The following ADAM9 variants were observed in gnomAD, a reference collection of about 807,000 sequenced individuals.
The protein encoded by ADAM9 is disintegrin and metalloproteinase domain-containing protein 9.
In ADAM9, 54 loss-of-function variants were observed where a neutral mutation model predicts 108.1. The observed-to-expected ratio is 0.50, with a 90% CI of 0.40 to 0.63. ADAM9 has a LOEUF of 0.63. Ranked by LOEUF, ADAM9 falls within the 20% of genes least tolerant of loss-of-function variation. ADAM9 has a pLI of 0.00. For synonymous variants in ADAM9, 316 were observed against 336.0 expected (o/e 0.94, Z 0.65); for missense variants, 830 against 997.7 (o/e 0.83, Z 2.26).
chr8:39,089,781 T>A, intron 18 of ADAM9: 2 of 435,312 alleles, frequency 4.6e-6, no homozygotes, highest in Non-Finnish European at 8.5e-6. Context: ...AAGAAAGTGT[T>A]GACAGTAGAA....
intron 7 of ADAM9, among the ~76,000 whole-genome samples, chr8:39,019,822 G>C (rs1167270636): frequency 6.6e-6 from 1 of 152,150 alleles, no homozygotes; most frequent in Non-Finnish European, 1.5e-5. Context: ...AACTAATTTG[G>C]AGAAAATATT....
At chr8:39,032,641 C>T (rs1355895242) in intron 11 of ADAM9, among the ~76,000 whole-genome samples, 4 of 152,228 alleles carry the variant, frequency 2.6e-5, no homozygotes, top group Admixed American at 2.6e-4. Context: ...GAGGCGATGC[C>T]CCGCCCTGCT....
chr8:39,024,090 C>T (rs1471894087), intron 9 of ADAM9, among the ~76,000 whole-genome samples: 2 of 152,106 alleles, frequency 1.3e-5, no homozygotes, highest in East Asian at 3.8e-4. Context: ...AGGCGTTGCT[C>T]TTTTGTCTTT....
At chr8:39,052,496 A>G (rs901038753) in intron 12 of ADAM9, among the ~76,000 whole-genome samples, 7 of 152,242 alleles carry the variant, frequency 4.6e-5, no homozygotes, top group Non-Finnish European at 7.4e-5. Flanking sequence ...TAATGGTTTC[A>G]GAAATTTGTA....
At chr8:39,099,332 G>GT (rs1048358454) in intron 20 of ADAM9, among the ~76,000 whole-genome samples, 9 of 150,942 alleles carry the variant, frequency 6.0e-5, no homozygotes, top group Admixed American at 1.3e-4. Flanking sequence ...TACGTTCTTG[G>GT]TTTTTTTTTG....
At position 39,018,835 on chromosome 8, in the gene ADAM9, T is replaced by C. The variant is rs758712063; in HGVS notation, c.607-18T>C. On this transcript the variant is annotated intron_variant, in intron 6 of 21. Coordinates refer to ENST00000487273, the MANE Select transcript of ADAM9 (RefSeq NM_003816.3). ...TTATAACTTCCTTTTGCCTTTATGATGTTTGTGTTTTTGACAGAGAAGAAG... is the reference window on the plus strand; with the variant it reads ...TTATAACTTCCTTTTGCCTTTATGACGTTTGTGTTTTTGACAGAGAAGAAG... 2.7e-5 allele frequency: 44 copies of C among 1,613,284 alleles called. No individual in the cohort carries two copies. The Admixed American group carries it at 6.7e-4, about 24-fold the overall frequency.
At chr8:39,046,068 A>G (rs1837763434) in intron 12 of ADAM9, among the ~76,000 whole-genome samples, 1 of 152,060 alleles carries the variant, frequency 6.6e-6, no homozygotes, top group African/African-American at 2.4e-5. Context: ...GGTAATATGG[A>G]CAATTTACCA....
At chr8:39,018,482 A>ATG (rs141447759) in intron 6 of ADAM9, 91 of 217,220 alleles carry the variant, frequency 4.2e-4, no homozygotes, top group African/African-American at 8.8e-4. Flanking sequence ...GTGTGTTTGC[A>ATG]TGTGTGTGTG....
intron 14 of ADAM9, among the ~76,000 whole-genome samples, chr8:39,063,047 G>T (rs1342904256): frequency 6.6e-6 from 1 of 152,180 alleles, no homozygotes; most frequent in African/African-American, 2.4e-5. Context: ...ATTCAATGCA[G>T]ACTGTCTGCT....
chr8:39,069,887 G>C (rs1030142463), intron 14 of ADAM9, among the ~76,000 whole-genome samples: 5 of 150,482 alleles, frequency 3.3e-5, no homozygotes, highest in African/African-American at 1.2e-4. Flanking sequence ...GTGCATATGA[G>C]TGTATAATAT....
chr8:39,086,428 C>A (rs973693047), intron 18 of ADAM9, among the ~76,000 whole-genome samples: 1 of 152,136 alleles, frequency 6.6e-6, no homozygotes, highest in Non-Finnish European at 1.5e-5. Context: ...TTAACTTGAT[C>A]TAGTGTGTTT....
intron 12 of ADAM9, 76 bp downstream of exon 12, chr8:39,042,193 A>C: frequency 6.6e-7 from 1 of 1,520,440 alleles, no homozygotes; most frequent in Non-Finnish European, 9.1e-7. Flanking sequence ...TGCTTTGGGC[A>C]ACTCTGACAT....
chr8:39,028,089 A>C (rs1836980640), intron 11 of ADAM9, among the ~76,000 whole-genome samples: 1 of 152,090 alleles, frequency 6.6e-6, no homozygotes, highest in Non-Finnish European at 1.5e-5. Context: ...CCCTGTTTCA[A>C]AACAAACACA....
intron 15 of ADAM9, among the ~76,000 whole-genome samples, chr8:39,072,496 T>C (rs1260514669): frequency 6.6e-6 from 1 of 152,220 alleles, no homozygotes; most frequent in Non-Finnish European, 1.5e-5. Context: ...AACCTCTTTT[T>C]TTTTGGTGAT....
intron 7 of ADAM9, among the ~76,000 whole-genome samples, chr8:39,019,663 T>C (rs1439464769): frequency 2.6e-5 from 4 of 152,212 alleles, no homozygotes; most frequent in African/African-American, 7.2e-5. Context: ...CTTCCAACTT[T>C]GTTGTCAGTG....
intron 15 of ADAM9, chr8:39,076,267 C>T (rs1452537704): frequency 6.6e-6 from 1 of 152,012 alleles, no homozygotes; most frequent in East Asian, 1.9e-4. Context: ...AGGATAGTGA[C>T]CTGGTGAAGT....
In ADAM9 at chr8:39,104,833, T is replaced by C. The variant is rs945303897; in HGVS notation, c.*1133T>C. 2.2e-5 allele frequency: 10 copies of C among 452,534 alleles called. No individual in the cohort carries two copies. The highest frequency in any genetic ancestry group is 4.4e-5 in the Non-Finnish European group (10 of 226,366). The allele number at this position is 452,534 out of a possible 1,614,324, so 28.0% of individuals were successfully genotyped here. A position where few individuals can be genotyped will look rare whatever the true frequency, so the allele number is the denominator to read the frequency against. On this transcript the variant is annotated 3_prime_UTR_variant, in exon 22 of 22. Transcript: ENST00000487273. ...AATTTTTACTATGGCAGATATGGTA[T>C]GGATCGTAAAATTTTAAGCACTAAA...
intron 13 of ADAM9, among the ~76,000 whole-genome samples, chr8:39,055,320 A>G (rs1012843455): frequency 2.6e-5 from 4 of 152,168 alleles, no homozygotes; most frequent in African/African-American, 4.8e-5. Flanking sequence ...AGTTAATTCA[A>G]TAGGTGTAAA....
chr8:39,074,100 A>G (rs1260095208), intron 15 of ADAM9, among the ~76,000 whole-genome samples: 1 of 152,162 alleles, frequency 6.6e-6, no homozygotes, highest in East Asian at 1.9e-4. Context: ...CATCATCACT[A>G]TTTTTGTTGT....
Sources: gnomAD v4.1 joint callset for allele counts (sites outside exome capture counted in the v4.1 genomes callset) on GRCh38, gnomAD v4.1.1 for gene constraint, MANE v1.5 for transcripts, NCBI Gene and HGNC (gene_info 2026-07-23, HGNC 2026-07-21) for gene names.